The following NLGN1 variants were observed in gnomAD, a reference collection of about 807,000 sequenced individuals.
The protein encoded by NLGN1 is neuroligin-1.
NLGN1 carries 12 observed loss-of-function variants against 65.5 expected under a neutral mutation model. The ratio of observed to expected loss-of-function variants is 0.18; its 90% confidence interval spans 0.12 to 0.30. The LOEUF (loss-of-function observed/expected upper bound fraction) is 0.30. Ranked by LOEUF, NLGN1 falls within the 10% of genes least tolerant of loss-of-function variation. NLGN1 has a pLI of 1.00. For synonymous variants in NLGN1, 350 were observed against 359.5 expected, an observed-to-expected ratio of 0.97 and a Z score of 0.30; for missense variants, 750 against 1,007.1, an observed-to-expected ratio of 0.74 and a Z score of 3.46.
intron 3 of NLGN1, among the ~76,000 whole-genome samples, chr3:173,693,226 T>C (rs1445285564): frequency 6.6e-6 from 1 of 152,120 alleles, no homozygotes; most frequent in Admixed American, 6.5e-5. Context: ...ATGTGCACCT[T>C]CTATAAAGTT....
At chr3:174,133,597 C>T (rs749886648) in intron 4 of NLGN1, among the ~76,000 whole-genome samples, 1 of 151,990 alleles carries the variant, frequency 6.6e-6, no homozygotes, top group Non-Finnish European at 1.5e-5. Flanking sequence ...TTTGACAATC[C>T]GAGTTACGCA....
chr3:174,102,824 G>A (rs764413971), intron 4 of NLGN1, among the ~76,000 whole-genome samples: 1 of 150,768 alleles, frequency 6.6e-6, no homozygotes, highest in African/African-American at 2.4e-5. Flanking sequence ...TATTAGATTC[G>A]CCAGGAGAAG....
intron 4 of NLGN1, among the ~76,000 whole-genome samples, chr3:173,837,223 G>A (rs1377579844): frequency 6.6e-6 from 1 of 152,054 alleles, no homozygotes. Context: ...TCTCCTTGCT[G>A]GCTCAGACTA....
intron 2 of NLGN1, among the ~76,000 whole-genome samples, chr3:173,567,008 G>T (rs1479929495): frequency 1.3e-5 from 2 of 152,072 alleles, no homozygotes; most frequent in Non-Finnish European, 2.9e-5. Flanking sequence ...AATTGGAAAT[G>T]GATCTCATGC....
At chr3:173,504,717 G>C (rs1393814158) in intron 2 of NLGN1, among the ~76,000 whole-genome samples, 2 of 151,972 alleles carry the variant, frequency 1.3e-5, no homozygotes, top group Non-Finnish European at 2.9e-5. Context: ...TTCATCACTT[G>C]ATGTCACCAT....
At chr3:173,537,732 TGTA>T (rs990689711) in intron 2 of NLGN1, among the ~76,000 whole-genome samples, 3 of 152,142 alleles carry the variant, frequency 2.0e-5, no homozygotes, top group Non-Finnish European at 2.9e-5. Context: ...CTGGACTATT[TGTA>T]GTGCTGCTTG....
intron 4 of NLGN1, among the ~76,000 whole-genome samples, chr3:173,925,683 AT>A (rs1742869609): frequency 6.6e-6 from 1 of 152,198 alleles, no homozygotes; most frequent in Non-Finnish European, 1.5e-5. Context: ...GGAAGATAAG[AT>A]TGGATATCTT....
rs188841240 is a variant in NLGN1 at position 173,487,232 on chromosome 3, A to G, written c.-321+52154A>G. On this transcript the variant is annotated intron_variant, in intron 2 of 6. Transcript: ENST00000457714. ...TGTTCTCACCACGTCAAACATGTAT[A>G]TTTATTATTTCTTCTTTAAGCCATC... Among the ~76,000 whole-genome samples the G allele has an allele frequency of 8.9e-3, 1,356 of 152,114 alleles. 24 individuals carry two copies. Among genetic ancestry groups the G allele is most frequent in the African/African-American group, 0.031 (1,306 of 41,534 alleles).
chr3:174,284,692 A>G (rs1472747426), exon 7 of NLGN1: 3 of 151,398 alleles, frequency 2.0e-5, no homozygotes, highest in Non-Finnish European at 4.4e-5. Context: ...GACTATGAAC[A>G]AAATCTAATT....
chr3:173,791,170 C>T (rs549210208), intron 3 of NLGN1, among the ~76,000 whole-genome samples: 63 of 152,198 alleles, frequency 4.1e-4, no homozygotes, highest in Non-Finnish European at 7.2e-4. Flanking sequence ...GTTTCTTAAT[C>T]ATGCTACAGT....
intron 3 of NLGN1, among the ~76,000 whole-genome samples, chr3:173,785,674 TTA>T (rs68011560): frequency 0.17 from 25,997 of 150,618 alleles, 3,212 homozygotes; most frequent in African/African-American, 0.36. Context: ...ATAGTTGAGT[TTA>T]TATATATATA....
At chr3:174,081,798 C>T (rs937861557) in intron 4 of NLGN1, among the ~76,000 whole-genome samples, 7 of 151,920 alleles carry the variant, frequency 4.6e-5, no homozygotes, top group Non-Finnish European at 7.4e-5. Context: ...CTCGAACTCC[C>T]GATCTCAGGT....
At chr3:174,239,067 C>CT (rs886200563) in intron 4 of NLGN1, among the ~76,000 whole-genome samples, 38 of 150,996 alleles carry the variant, frequency 2.5e-4, no homozygotes, top group South Asian at 1.5e-3. Context: ...TTTTTTCTTT[C>CT]TTTTTTTTTA....
chr3:173,517,072 CTCA>C (rs1004763978), intron 2 of NLGN1, among the ~76,000 whole-genome samples: 2 of 151,872 alleles, frequency 1.3e-5, no homozygotes, highest in African/African-American at 4.8e-5. Flanking sequence ...TGTAATTATC[CTCA>C]TCAGTCATTT....
chr3:174,192,643 C>T (rs115499520), intron 4 of NLGN1, among the ~76,000 whole-genome samples: 216 of 152,172 alleles, frequency 1.4e-3, no homozygotes, highest in African/African-American at 5.0e-3. Context: ...AGTTTGTGTG[C>T]GTGTTTCTGT....
chr3:174,217,803 G>A (rs910946177), intron 4 of NLGN1, among the ~76,000 whole-genome samples: 1 of 151,970 alleles, frequency 6.6e-6, no homozygotes, highest in African/African-American at 2.4e-5. Context: ...GCTCAAGTAA[G>A]GCGTAACGAC....
In NLGN1 at chr3:173,705,010, A is replaced by G. The variant is rs926034225; in HGVS notation, c.493+99919A>G. 2.6e-5 allele frequency among the ~76,000 whole-genome samples: 4 copies of G among 152,190 alleles called. No homozygotes were observed. The East Asian group carries it at 7.7e-4, about 29-fold the overall frequency. Reference sequence around the variant, plus strand: ...TTTCTTTAGTGGAAAATTACTTTGCATAGGCTTTTTGCCATTCCAGTTGAT... The same window carrying G: ...TTTCTTTAGTGGAAAATTACTTTGCGTAGGCTTTTTGCCATTCCAGTTGAT... On this transcript the variant is annotated intron_variant, in intron 3 of 6. Coordinates refer to ENST00000457714, the Ensembl canonical transcript of NLGN1.
At chr3:173,488,183 T>A (rs1728468898) in intron 2 of NLGN1, among the ~76,000 whole-genome samples, 1 of 152,024 alleles carries the variant, frequency 6.6e-6, no homozygotes, top group Non-Finnish European at 1.5e-5. Flanking sequence ...TATCTTCTTT[T>A]CTAAAGTATA....
At chr3:173,437,618 C>T (rs537820494) in intron 2 of NLGN1, among the ~76,000 whole-genome samples, 1 of 152,232 alleles carries the variant, frequency 6.6e-6, no homozygotes, top group East Asian at 1.9e-4. Context: ...GACTTGATTT[C>T]CTCTCATTTG....
Sources: allele counts gnomAD v4.1 joint callset (sites outside exome capture counted in the v4.1 genomes callset), GRCh38; gene constraint gnomAD v4.1.1; transcripts MANE v1.5; gene names NCBI Gene and HGNC (gene_info 2026-07-23, HGNC 2026-07-21).